The following KIF9 variants were observed in gnomAD, a reference collection of about 807,000 sequenced individuals.
KIF9 encodes the protein kinesin family member 9, also known as kinesin-like protein KIF9.
A neutral mutation model predicts 94.8 loss-of-function variants in KIF9; 68 were observed. That is an observed-to-expected ratio of 0.72 (90% confidence interval 0.59 to 0.88). The LOEUF (loss-of-function observed/expected upper bound fraction) is 0.88, where lower values mean the gene tolerates loss of function less well. KIF9 is among the 40% of genes least tolerant of loss of function. The pLI is 0.00. For missense variants in KIF9, 882 were observed against 982.5 expected (o/e 0.90, Z 1.37); for synonymous variants, 343 against 362.1 (o/e 0.95, Z 0.60).
At chr3:47,259,312 T>C (rs1033555107) in intron 9 of KIF9, among the ~76,000 whole-genome samples, 15 of 152,232 alleles carry the variant, frequency 9.9e-5, no homozygotes, top group Non-Finnish European at 1.8e-4. Flanking sequence ...CTACCAGTTT[T>C]GTCCCCTGTA....
intron 5 of KIF9, among the ~76,000 whole-genome samples, chr3:47,269,006 TC>T (rs1174717655): frequency 6.6e-6 from 1 of 152,108 alleles, no homozygotes; most frequent in Non-Finnish European, 1.5e-5. Context: ...ACTCCTGACT[TC>T]CAGTGATCCG....
intron 9 of KIF9, among the ~76,000 whole-genome samples, chr3:47,260,699 G>A (rs1442644730): frequency 6.6e-6 from 1 of 152,244 alleles, no homozygotes; most frequent in African/African-American, 2.4e-5. Flanking sequence ...TGGCCACAGA[G>A]CTGGTCTGTG....
At position 47,243,197 on chromosome 3, in the gene KIF9, G is replaced by A. The variant is rs1407675736; in HGVS notation, c.1563C>T (p.Asp521=). The A allele has an allele frequency of 1.9e-5, 31 of 1,613,306 alleles. No individual in the cohort carries two copies. The Admixed American group carries it at 5.2e-4, about 27-fold the overall frequency. Reference sequence around the variant, plus strand: ...TCTTGGAGGTGGAAACGTAATCCAAGTCCTTCCCATTCACAGGGCTGCTGG... The same window carrying A: ...TCTTGGAGGTGGAAACGTAATCCAAATCCTTCCCATTCACAGGGCTGCTGG... ...EGASSPVNGK[D]LDYVSTSKTQ... The change falls in exon 16 of 21, where the codon GAC becomes GAT. Residue 521 remains aspartate (D), a synonymous_variant. Transcript: ENST00000684063.
intron 10 of KIF9, among the ~76,000 whole-genome samples, chr3:47,254,953 T>C (rs1456114290): frequency 6.6e-6 from 1 of 152,194 alleles, no homozygotes; most frequent in Non-Finnish European, 1.5e-5. Flanking sequence ...TCTGATGCCT[T>C]GTCACATTTG....
At chr3:47,250,548 CG>C (rs746082881) in intron 10 of KIF9, 20 of 480,136 alleles carry the variant, frequency 4.2e-5, no homozygotes, top group Non-Finnish European at 6.4e-5. Context: ...GTGCCAATGT[CG>C]TAACAAGGTT....
Position 47,265,965 on chromosome 3 carries a change from A to AT in KIF9, c.769-89dup. 2.0e-6 allele frequency: 3 copies of AT among 1,472,764 alleles called. No individual in the cohort carries two copies. The Middle Eastern group carries it at 5.3e-4, about 261-fold the overall frequency. 91.2% of individuals were successfully genotyped at this position (1,472,764 alleles called of 1,614,324 possible). ...AGTCTTCCTGGTCTGGAGAAATGCT[A>AT]TAAGTCTGTGGTCAGGTCAGCGCCT... On this transcript the variant is annotated intron_variant, in intron 7 of 20. Coordinates refer to ENST00000684063, the MANE Select transcript of KIF9 (RefSeq NM_182902.4).
intron 20 of KIF9, among the ~76,000 whole-genome samples, chr3:47,229,819 T>A (rs1193535036): frequency 1.3e-5 from 2 of 151,870 alleles, no homozygotes; most frequent in South Asian, 2.1e-4. Flanking sequence ...CTACAACCTC[T>A]GCCTCCCGGG....
chr3:47,241,097 G>T, intron 16 of KIF9, 82 bp from the exon 17 acceptor site: 1 of 1,257,958 alleles, frequency 7.9e-7, no homozygotes, highest in Non-Finnish European at 1.1e-6. Context: ...TTCTTCCCTG[G>T]GACTTCTGTG....
chr3:47,248,297 T>C lies in KIF9; in HGVS notation c.1060-211A>G. ...GGTGAGTTTAGGGTCTGGGAGGACC[T>C]GAACAGTCCCCTGGCCTTTGCTACT... On this transcript the variant is annotated intron_variant, in intron 10 of 20. Coordinates refer to ENST00000684063, the MANE Select transcript of KIF9 (RefSeq NM_182902.4). 4 of 568,046 alleles carry C rather than the reference T, an allele frequency of 7.0e-6. No homozygotes were observed. In the South Asian group the frequency reaches 8.4e-5, roughly 12 times the overall value. 35.2% of individuals were successfully genotyped at this position (568,046 alleles called of 1,614,324 possible).
chr3:47,275,543 TA>T (rs990389324), intron 2 of KIF9, 53 bp from the exon 3 acceptor site: 61 of 1,442,028 alleles, frequency 4.2e-5, no homozygotes, highest in East Asian at 6.8e-5. Flanking sequence ...AAAATGGGTA[TA>T]AAAAAAATCA....
chr3:47,237,284 G>A (rs1559422079), intron 17 of KIF9, among the ~76,000 whole-genome samples: 1 of 152,188 alleles, frequency 6.6e-6, no homozygotes, highest in Non-Finnish European at 1.5e-5. Flanking sequence ...AGTAGAGACA[G>A]GGTTTCACCA....
intron 10 of KIF9, among the ~76,000 whole-genome samples, chr3:47,248,910 A>T (rs1700094466): frequency 6.6e-6 from 1 of 151,746 alleles, no homozygotes; most frequent in Non-Finnish European, 1.5e-5. Flanking sequence ...TGCCCAGCTA[A>T]TTTTTGTAGA....
At chr3:47,262,263 G>A (rs1324020468) in intron 9 of KIF9, among the ~76,000 whole-genome samples, 5 of 150,598 alleles carry the variant, frequency 3.3e-5, no homozygotes, top group South Asian at 2.1e-4. Context: ...TCAACCATGC[G>A]GGGTTTTTTT....
intron 2 of KIF9, among the ~76,000 whole-genome samples, chr3:47,276,555 C>CA (rs752825599): frequency 0.021 from 1,239 of 58,278 alleles, 15 homozygotes; most frequent in African/African-American, 0.054. Flanking sequence ...GACTCTGTCT[C>CA]AAAAAAAAAA....
chr3:47,228,546 A>G lies in KIF9; in HGVS notation c.*106T>C. ...AAATGTGTTCTCTGTGCTGGGTCCC[A>G]GCATTGGAGTAGAGGGGGCTGCAGC... is the stretch of plus-strand genomic sequence containing the variant. On this transcript the variant is annotated 3_prime_UTR_variant, in exon 21 of 21. Coordinates refer to ENST00000684063, the MANE Select transcript of KIF9 (RefSeq NM_182902.4). 1.1e-6 allele frequency: 1 copy of G among 928,330 alleles called. No homozygotes were observed. The highest frequency in any genetic ancestry group is 1.3e-5 in the South Asian group (1 of 75,142). 57.5% of individuals were successfully genotyped at this position (928,330 alleles called of 1,614,324 possible). A position where few individuals can be genotyped will look rare whatever the true frequency, so the allele number is the denominator to read the frequency against.
At chr3:47,246,553 T>G (rs1410888532) in intron 12 of KIF9, 1 of 5,192 alleles carries the variant, frequency 1.9e-4, no homozygotes. Flanking sequence ...TTCTAAAGGT[T>G]TTTTTTTTTT....
At chr3:47,260,841 G>A (rs1438107280) in intron 9 of KIF9, among the ~76,000 whole-genome samples, 1 of 152,212 alleles carries the variant, frequency 6.6e-6, no homozygotes, top group African/African-American at 2.4e-5. Flanking sequence ...TAGTTTGCCA[G>A]GTGATGGGGA....
At position 47,282,580 on chromosome 3, in the gene KIF9, A is replaced by G. The variant is rs1467331524; in HGVS notation, c.-91T>C. The G allele has an allele frequency of 9.2e-7, 1 of 1,081,406 alleles. No individual in the cohort carries two copies. Among genetic ancestry groups the G allele is most frequent in the Non-Finnish European group, 1.1e-6 (1 of 885,864 alleles). The allele number at this position is 1,081,406 out of a possible 1,614,324, so 67.0% of individuals were successfully genotyped here. Reference sequence around the variant, plus strand: ...CCCACGCGGGGCTGCCTGGCTGTGTACATAGTCGCCATGGCAACGGGTCGC... The same window carrying G: ...CCCACGCGGGGCTGCCTGGCTGTGTGCATAGTCGCCATGGCAACGGGTCGC... On this transcript the variant is annotated 5_prime_UTR_variant, in exon 1 of 21. Coordinates refer to ENST00000684063, the MANE Select transcript of KIF9 (RefSeq NM_182902.4).
intron 10 of KIF9, among the ~76,000 whole-genome samples, chr3:47,252,345 T>C (rs1231532422): frequency 1.3e-5 from 2 of 151,812 alleles, no homozygotes; most frequent in African/African-American, 4.8e-5. Context: ...ACACCTGTAA[T>C]CCCAGCACTT....
Sources: allele counts gnomAD v4.1 joint callset (sites outside exome capture counted in the v4.1 genomes callset), GRCh38; gene constraint gnomAD v4.1.1; transcripts MANE v1.5; gene names NCBI Gene and HGNC (gene_info 2026-07-23, HGNC 2026-07-21).